Variants in GPATCH8 observed in about 807,000 individuals in gnomAD.
GPATCH8 encodes the protein G-patch domain containing 8, also known as G patch domain-containing protein 8.
GPATCH8 carries 18 observed loss-of-function variants against 118.3 expected under a neutral mutation model. The observed-to-expected ratio is 0.15, with a 90% CI of 0.11 to 0.23. GPATCH8 has a LOEUF of 0.23. GPATCH8 is among the 10% of genes least tolerant of loss of function. The pLI, the probability that GPATCH8 is intolerant of heterozygous loss-of-function variation, is 1.00. For synonymous variants in GPATCH8, 659 were observed against 684.7 expected (o/e 0.96, Z 0.59); for missense variants, 1,631 against 1,873.8 (o/e 0.87, Z 2.39).
At position 44,396,993 on chromosome 17, in the gene GPATCH8, C is replaced by A. The variant is rs1290765455; in HGVS notation, c.*575G>T. ...TTGATGTGGGAACTGGATGGAATTGCAGCCTGAGTTATATCAGGTTCCAGG... is the reference window on the plus strand; with the variant it reads ...TTGATGTGGGAACTGGATGGAATTGAAGCCTGAGTTATATCAGGTTCCAGG... On this transcript the variant is annotated 3_prime_UTR_variant, in exon 8 of 8. Coordinates refer to ENST00000591680, the MANE Select transcript of GPATCH8 (RefSeq NM_001002909.4). 4.4e-6 allele frequency: 2 copies of A among 453,626 alleles called. No individual in the cohort carries two copies. The highest frequency in any genetic ancestry group is 4.0e-5 in the African/African-American group (2 of 49,700). 28.1% of individuals were successfully genotyped at this position (453,626 alleles called of 1,614,324 possible). A position where few individuals can be genotyped will look rare whatever the true frequency, so the allele number is the denominator to read the frequency against.
intron 1 of GPATCH8, among the ~76,000 whole-genome samples, chr17:44,495,832 G>A (rs1969628408): frequency 6.6e-6 from 1 of 152,042 alleles, no homozygotes; most frequent in African/African-American, 2.4e-5. Flanking sequence ...TGACACTACA[G>A]CATACAATCC....
At chr17:44,425,708 TTG>T (rs2050067548) in intron 5 of GPATCH8, among the ~76,000 whole-genome samples, 1 of 151,976 alleles carries the variant, frequency 6.6e-6, no homozygotes, top group South Asian at 2.1e-4. Flanking sequence ...TTTGTATTTT[TTG>T]TAGAGATGAG....
rs552071366 is a variant in GPATCH8, at chr17:44,484,140, A to AATTT, written c.46-9241_46-9238dup. Among the ~76,000 whole-genome samples the AATTT allele has an allele frequency of 2.9e-3, 433 of 149,316 alleles. 2 individuals carry two copies. Among genetic ancestry groups the AATTT allele is most frequent in the African/African-American group, 0.01 (412 of 40,570 alleles). ...CAGGTGTGAGCCACCATGCCAGACC[A>AATTT]ATTTATTTATTTATTTATTTTTTAG... is the stretch of plus-strand genomic sequence containing the variant. On this transcript the variant is annotated intron_variant, in intron 1 of 7. Transcript: ENST00000591680.
At chr17:44,470,636 T>C (rs1214672210) in intron 2 of GPATCH8, among the ~76,000 whole-genome samples, 3 of 151,682 alleles carry the variant, frequency 2.0e-5, no homozygotes, top group African/African-American at 7.3e-5. Context: ...AGCTGGGTAA[T>C]CCCAGCACAT....
intron 7 of GPATCH8, among the ~76,000 whole-genome samples, chr17:44,402,618 T>TA (rs373846702): frequency 1.3e-5 from 2 of 151,988 alleles, no homozygotes; most frequent in East Asian, 3.9e-4. Flanking sequence ...ACCCCACCTC[T>TA]AAAAAAAATA....
chr17:44,396,564 A>G lies in GPATCH8; in HGVS notation c.*1004T>C, dbSNP rs1337815723. 1 of 435,970 alleles carries G rather than the reference A, an allele frequency of 2.3e-6. No individual in the cohort carries two copies. Among genetic ancestry groups the G allele is most frequent in the Non-Finnish European group, 4.5e-6 (1 of 221,074 alleles). 27.0% of individuals were successfully genotyped at this position (435,970 alleles called of 1,614,324 possible). ...GTCAGTTTTGCATCTAGCAGAAAAC[A>G]AATATTTTATTTTTTGTTTTCATTT... On this transcript the variant is annotated 3_prime_UTR_variant, in exon 8 of 8. Coordinates refer to ENST00000591680, the MANE Select transcript of GPATCH8 (RefSeq NM_001002909.4).
In GPATCH8 at chr17:44,480,300, G is replaced by T. The variant is rs188308296; in HGVS notation, c.46-5397C>A. On this transcript the variant is annotated intron_variant, in intron 1 of 7. Coordinates refer to ENST00000591680, the MANE Select transcript of GPATCH8 (RefSeq NM_001002909.4). Reference sequence around the variant, plus strand: ...TAAAATGGCATTTAAAAAAAAATGCGGCAGGGCGCGGTGGCTCATGCCTGT... The same window carrying T: ...TAAAATGGCATTTAAAAAAAAATGCTGCAGGGCGCGGTGGCTCATGCCTGT... Among the ~76,000 whole-genome samples the T allele has an allele frequency of 1.8e-3, 279 of 152,176 alleles. 3 individuals carry two copies. Among genetic ancestry groups the T allele is most frequent in the Admixed American group, 0.01 (160 of 15,284 alleles).
chr17:44,464,660 A>C, intron 2 of GPATCH8, 116 bp from the exon 3 acceptor site: 1 of 767,510 alleles, frequency 1.3e-6, no homozygotes, highest in Non-Finnish European at 2.4e-6. Context: ...TGCATGCAAA[A>C]AGGTGCTAAT....
At position 44,399,024 on chromosome 17, in the gene GPATCH8, C is replaced by T; in HGVS notation, c.3053G>A (p.Arg1018Lys). The T allele has an allele frequency of 6.2e-7, 1 of 1,613,922 alleles. No homozygotes were observed. Among genetic ancestry groups the T allele is most frequent in the Non-Finnish European group, 8.5e-7 (1 of 1,179,830 alleles). ...RSWGHESPEE[R>K]HSGRRDFIRS... ...AATGAAGTCCCGACGCCCAGAATGC[C>T]TCTCCTCAGGGCTCTCGTGACCCCA... The change falls in exon 8 of 8, where the codon AGG (arginine) becomes AAG (lysine). Residue 1018 changes from arginine to lysine, a missense_variant. By Grantham distance (26) the Arg-to-Lys change is conservative. This residue lies in a region of GPATCH8 where 922 missense variants were observed against 879.7 expected (regional missense o/e 1.05). Coordinates refer to ENST00000591680, the MANE Select transcript of GPATCH8 (RefSeq NM_001002909.4).
rs1441147045 is a variant in GPATCH8, at chr17:44,482,488, C to T, written c.46-7585G>A. 6.1e-5 allele frequency among the ~76,000 whole-genome samples: 9 copies of T among 148,462 alleles called. No homozygotes were observed. In the South Asian group the frequency reaches 1.1e-3, roughly 18 times the overall value. On this transcript the variant is annotated intron_variant, in intron 1 of 7. Transcript: ENST00000591680. ...ACTCAGAAGGTTGAGGCAGGAGAAT[C>T]GCTTGAATGCAGGAGGCGGAGGCTG...
chr17:44,453,671 C>T (rs1032629685), intron 3 of GPATCH8, among the ~76,000 whole-genome samples: 14 of 152,030 alleles, frequency 9.2e-5, no homozygotes, highest in Non-Finnish European at 1.6e-4. Context: ...ACTAAGGGTG[C>T]ACATCACCAT....
intron 3 of GPATCH8, among the ~76,000 whole-genome samples, chr17:44,439,671 A>G (rs1280789818): frequency 6.6e-6 from 1 of 152,180 alleles, no homozygotes; most frequent in Non-Finnish European, 1.5e-5. Flanking sequence ...GTTGCTATCA[A>G]TGATAATCCT....
At chr17:44,480,793 C>T (rs1403970657) in intron 1 of GPATCH8, among the ~76,000 whole-genome samples, 1 of 151,992 alleles carries the variant, frequency 6.6e-6, no homozygotes, top group Non-Finnish European at 1.5e-5. Flanking sequence ...ATCGCTTGAA[C>T]CCGGGCGGCA....
chr17:44,438,778 C>G (rs2050594794), intron 3 of GPATCH8: 1 of 152,568 alleles, frequency 6.6e-6, no homozygotes, highest in African/African-American at 2.4e-5. Flanking sequence ...GGCCTTCTAG[C>G]AGGCAGACAG....
At chr17:44,479,897 G>A (rs891106167) in intron 1 of GPATCH8, among the ~76,000 whole-genome samples, 7 of 151,694 alleles carry the variant, frequency 4.6e-5, no homozygotes, top group Non-Finnish European at 7.4e-5. Flanking sequence ...AACCCAGGAG[G>A]CAGAGGTTGC....
At chr17:44,491,729 C>T (rs994229745) in intron 1 of GPATCH8, among the ~76,000 whole-genome samples, 1 of 151,988 alleles carries the variant, frequency 6.6e-6, no homozygotes, top group African/African-American at 2.4e-5. Flanking sequence ...TGGTACACAC[C>T]TGTAGTCCCA....
At position 44,399,447 on chromosome 17, in the gene GPATCH8, G is replaced by A. The variant is rs1331645209; in HGVS notation, c.2630C>T (p.Ser877Phe). ...TCTACTATAGCAGCTCTGGTCTGAA[G>A]AGGCATCTGAGCTACTTGAGTAAGA... is the stretch of plus-strand genomic sequence containing the variant. ...RRSYSSSSDA[S>F]SDQSCYSRQR... Residue 877 changes from serine to phenylalanine, a missense_variant, in exon 8 of 8, where the codon TCT becomes TTT. Coordinates refer to ENST00000591680, the MANE Select transcript of GPATCH8 (RefSeq NM_001002909.4). 6.2e-7 allele frequency: 1 copy of A among 1,613,992 alleles called. No homozygotes were observed. The highest frequency in any genetic ancestry group is 8.5e-7 in the Non-Finnish European group (1 of 1,179,972).
chr17:44,434,161 A>AT (rs2050417351), intron 5 of GPATCH8, among the ~76,000 whole-genome samples: 1 of 151,038 alleles, frequency 6.6e-6, no homozygotes, highest in Non-Finnish European at 1.5e-5. Context: ...TAATAATAAT[A>AT]AAATAAATAA....
chr17:44,460,291 CATT>C (rs1484992874), intron 3 of GPATCH8, among the ~76,000 whole-genome samples: 2 of 152,080 alleles, frequency 1.3e-5, no homozygotes, highest in African/African-American at 2.4e-5. Flanking sequence ...ATCTTGTCAA[CATT>C]ATCTTTTCTT....
Sources: allele counts gnomAD v4.1 joint callset (sites outside exome capture counted in the v4.1 genomes callset), GRCh38; gene constraint gnomAD v4.1.1; regional missense constraint gnomAD v4.1.1; transcripts MANE v1.5; gene names NCBI Gene and HGNC (gene_info 2026-07-23, HGNC 2026-07-21).